The following USP24 variants were observed in gnomAD, a reference collection of about 807,000 sequenced individuals.
USP24 encodes the protein ubiquitin specific peptidase 24, also known as ubiquitin carboxyl-terminal hydrolase 24.
A neutral mutation model predicts 361.6 loss-of-function variants in USP24; 97 were observed. The ratio of observed to expected loss-of-function variants is 0.27; its 90% confidence interval spans 0.23 to 0.32. USP24 has a LOEUF of 0.32. Among genes scored for constraint, USP24 ranks in the 10% least tolerant of loss-of-function variants. USP24 has a pLI of 1.00. For missense variants in USP24, 2,353 were observed against 3,165.6 expected (o/e 0.74, Z 6.16); for synonymous variants, 1,098 against 1,124.6 (o/e 0.98, Z 0.47).
intron 35 of USP24, among the ~76,000 whole-genome samples, chr1:55,124,103 T>C (rs958190854): frequency 6.6e-6 from 1 of 152,194 alleles, no homozygotes; most frequent in Non-Finnish European, 1.5e-5. Flanking sequence ...AGAGGCCTAA[T>C]GAAAAATAAC....
At chr1:55,182,240 C>T (rs756431506) in intron 1 of USP24, among the ~76,000 whole-genome samples, 4 of 152,012 alleles carry the variant, frequency 2.6e-5, no homozygotes, top group African/African-American at 4.8e-5. Context: ...TTAGTAGAGA[C>T]GGGGTTTCAC....
intron 1 of USP24, among the ~76,000 whole-genome samples, chr1:55,179,871 C>T (rs533351425): frequency 3.5e-4 from 53 of 152,350 alleles, no homozygotes; most frequent in Admixed American, 3.1e-3. Flanking sequence ...CCTAACTGGG[C>T]TCCATCTGCC....
intron 31 of USP24, among the ~76,000 whole-genome samples, chr1:55,131,043 C>A (rs1475703): frequency 6.6e-6 from 1 of 152,054 alleles, no homozygotes; most frequent in East Asian, 1.9e-4. Flanking sequence ...CAAGCTAGAC[C>A]CATTGTTGGA....
In USP24 at chr1:55,211,074, A is replaced by G. The variant is rs184351935; in HGVS notation, c.324+3716T>C. Among the ~76,000 whole-genome samples the G allele has an allele frequency of 6.0e-3, 913 of 152,322 alleles. 4 individuals are homozygous for G. Among genetic ancestry groups the G allele is most frequent in the Non-Finnish European group, 0.01 (682 of 68,022 alleles). ...CACAGGATACCTGGTTCAGATTTCT[A>G]CTGATCCCCTGGAGAGATTACAAAG... On this transcript the variant is annotated intron_variant, in intron 1 of 67. Transcript: ENST00000294383.
At position 55,073,878 on chromosome 1, in the gene USP24, G is replaced by A; in HGVS notation, c.7476C>T (p.Asp2492=). ...TGACACACTGGTAGCAGCGACTACT[G>A]TCCACATGATTACTGTGGTGCATCA... is the stretch of plus-strand genomic sequence containing the variant. The part of the protein sequence containing the change: ...LALMHHSNHV[D]SSRCYQCVKF... The change falls in exon 64 of 68, where the codon GAC becomes GAT. Residue 2492 remains aspartate (D), a synonymous_variant. Coordinates refer to ENST00000294383, the MANE Select transcript of USP24 (RefSeq NM_015306.3). The A allele has an allele frequency of 6.3e-7, 1 of 1,580,854 alleles. No homozygotes were observed. The highest frequency in any genetic ancestry group is 8.6e-7 in the Non-Finnish European group (1 of 1,162,690).
chr1:55,110,288 T>C, intron 38 of USP24, 42 bp from the exon 39 acceptor site: 1 of 1,453,706 alleles, frequency 6.9e-7, no homozygotes, highest in Non-Finnish European at 9.2e-7. Flanking sequence ...AGAGGCTGAT[T>C]TGAAAATAAA....
rs376169296 is a variant in USP24 at position 55,097,897 on chromosome 1, C to T, written c.5595+46G>A. The T allele has an allele frequency of 9.5e-5, 148 of 1,557,522 alleles. No homozygotes were observed. In the African/African-American group the frequency reaches 1.6e-3, roughly 17 times the overall value. On this transcript the variant is annotated intron_variant, in intron 47 of 67. Transcript: ENST00000294383. Reference sequence around the variant, plus strand: ...TTACATAAAACAAAGACGCACTATGCGAATAACAAATTAATCTTGTTTTTT... The same window carrying T: ...TTACATAAAACAAAGACGCACTATGTGAATAACAAATTAATCTTGTTTTTT...
chr1:55,114,747 G>T (rs554624271), intron 38 of USP24, among the ~76,000 whole-genome samples: 2 of 152,138 alleles, frequency 1.3e-5, no homozygotes, highest in Non-Finnish European at 2.9e-5. Flanking sequence ...ATTAACTCAA[G>T]ATGGATTAAA....
chr1:55,125,698 C>G lies in USP24; in HGVS notation c.3696G>C (p.Arg1232Ser). The stretch of plus-strand genomic sequence containing the variant: ...GTAGACAGATGGAATAAACACCCTG[C>G]CTTGTTTCATAGTCTACTTCTGATG... ...SIPSEVDYETRQGVYSICLQL... is the reference protein window; with the variant it reads ...SIPSEVDYETSQGVYSICLQL... The change falls in exon 33 of 68, where the codon AGG (arginine) becomes AGC (serine). Residue 1232 changes from arginine to serine, a missense_variant. Around this residue, in one of 8 missense-constraint regions of USP24, gnomAD observed 949 missense variants for 1,280.5 expected, o/e 0.74. Coordinates refer to ENST00000294383, the MANE Select transcript of USP24 (RefSeq NM_015306.3). 1 of 1,597,178 alleles carries G rather than the reference C, an allele frequency of 6.3e-7. No homozygotes were observed.
At chr1:55,136,326 C>T (rs1381454171) in intron 28 of USP24, among the ~76,000 whole-genome samples, 3 of 152,104 alleles carry the variant, frequency 2.0e-5, no homozygotes, top group African/African-American at 4.8e-5. Context: ...GAGAAGCTCA[C>T]AGGAGACAAC....
At chr1:55,170,989 T>C (rs1473804399) in intron 5 of USP24, among the ~76,000 whole-genome samples, 5 of 152,328 alleles carry the variant, frequency 3.3e-5, no homozygotes, top group East Asian at 1.9e-4. Context: ...ACCAGTTTTC[T>C]ATTGATTAAA....
intron 57 of USP24, among the ~76,000 whole-genome samples, 170 bp downstream of exon 57, chr1:55,083,602 G>A (rs1260388365): frequency 6.6e-6 from 1 of 152,062 alleles, no homozygotes; most frequent in Non-Finnish European, 1.5e-5. Context: ...CTATCAATGA[G>A]TAACTATACC....
chr1:55,166,542 T>C (rs140476882), intron 6 of USP24, 26 bp downstream of exon 6: 20 of 1,572,550 alleles, frequency 1.3e-5, no homozygotes, highest in East Asian at 2.3e-5. Context: ...ATATGCTACA[T>C]GACAATATTA....
At chr1:55,134,024 T>G in intron 30 of USP24, 46 bp downstream of exon 30, 1 of 1,479,826 alleles carries the variant, frequency 6.8e-7, no homozygotes, top group Non-Finnish European at 9.4e-7. Context: ...TTTCACTCAC[T>G]GAATTGTGAT....
At chr1:55,103,484 C>T (rs567079979) in intron 42 of USP24, among the ~76,000 whole-genome samples, 2 of 152,320 alleles carry the variant, frequency 1.3e-5, no homozygotes, top group Admixed American at 6.5e-5. Context: ...TTAGCACATA[C>T]TAAACTCAAT....
intron 51 of USP24, among the ~76,000 whole-genome samples, chr1:55,094,936 G>A (rs536108117): frequency 2.0e-5 from 3 of 152,096 alleles, no homozygotes; most frequent in Admixed American, 1.3e-4. Flanking sequence ...CTGGGAGGTC[G>A]AGGCTGCAGT....
At chr1:55,100,788 G>A in intron 44 of USP24, 51 bp downstream of exon 44, 1 of 1,528,112 alleles carries the variant, frequency 6.5e-7, no homozygotes, top group Non-Finnish European at 8.8e-7. Flanking sequence ...GAGAAAGAAT[G>A]TAGCCAAATA....
At position 55,157,035 on chromosome 1, in the gene USP24, T is replaced by C; in HGVS notation, c.1359A>G (p.Ala453=). 1 of 1,613,090 alleles carries C rather than the reference T, an allele frequency of 6.2e-7. No homozygotes were observed. The highest frequency in any genetic ancestry group is 8.5e-7 in the Non-Finnish European group (1 of 1,179,400). The change falls in exon 12 of 68, where the codon GCA becomes GCG. Residue 453 remains alanine, a synonymous_variant. Coordinates refer to ENST00000294383, the MANE Select transcript of USP24 (RefSeq NM_015306.3). ...SIALEGNIDQ[A]QYCDRIKGII... Reference sequence around the variant, plus strand: ...TTCCCTTTATACGGTCACAGTATTGTGCTTGGTCTATGTTGCCTAATTGAA... The same window carrying C: ...TTCCCTTTATACGGTCACAGTATTGCGCTTGGTCTATGTTGCCTAATTGAA...
intron 1 of USP24, among the ~76,000 whole-genome samples, chr1:55,207,416 A>T (rs1195650008): frequency 6.6e-6 from 1 of 152,246 alleles, no homozygotes; most frequent in East Asian, 1.9e-4. Context: ...TAATTTCAGA[A>T]ATAATTTTGG....
Sources: gnomAD v4.1 joint callset for allele counts (sites outside exome capture counted in the v4.1 genomes callset) on GRCh38, gnomAD v4.1.1 for gene constraint, gnomAD v4.1.1 regional missense constraint, MANE v1.5 for transcripts, NCBI Gene and HGNC (gene_info 2026-07-23, HGNC 2026-07-21) for gene names.